PKHD1L1: variants seen among roughly 807,000 people sequenced by gnomAD.
PKHD1L1 encodes PKHD1 like 1, also known as fibrocystin-L.
In PKHD1L1, 434 loss-of-function variants were observed where a neutral mutation model predicts 462.9. The observed-to-expected ratio is 0.94, with a 90% CI of 0.87 to 1.02. The LOEUF (loss-of-function observed/expected upper bound fraction) is 1.02, where lower values mean the gene tolerates loss of function less well. Among genes scored for constraint, PKHD1L1 ranks in the 50% least tolerant of loss-of-function variants. The pLI, the probability that PKHD1L1 is intolerant of heterozygous loss-of-function variation, is 0.00. For synonymous variants in PKHD1L1, 1,781 were observed against 1,750.0 expected (o/e 1.02, Z -0.44); for missense variants, 5,202 against 5,096.1 (o/e 1.02, Z -0.63).
At chr8:109,515,510 C>T (rs149788094) in intron 72 of PKHD1L1, among the ~76,000 whole-genome samples, 1 of 152,238 alleles carries the variant, frequency 6.6e-6, no homozygotes, top group Non-Finnish European at 1.5e-5. Context: ...ACTTATTTAT[C>T]TGTGCACATG....
intron 8 of PKHD1L1, among the ~76,000 whole-genome samples, chr8:109,389,673 G>A (rs944071588): frequency 2.0e-5 from 3 of 151,980 alleles, no homozygotes; most frequent in Non-Finnish European, 4.4e-5. Context: ...GATTACAGGC[G>A]CACACCACCA....
Position 109,481,463 on chromosome 8 carries a change from A to G in PKHD1L1, c.9358A>G (p.Asn3120Asp), listed in dbSNP as rs1361223578. 3 of 1,599,494 alleles carry G rather than the reference A, an allele frequency of 1.9e-6. No individual in the cohort carries two copies. In the South Asian group the frequency reaches 3.4e-5, roughly 18 times the overall value. Reference protein sequence around the residue: ...GGRLIGGWEDNPFKGDLKIVL... With the variant: ...GGRLIGGWEDDPFKGDLKIVL... ...TAGATTAATCGGTGGCTGGGAAGATAACCCTTTTAAAGGAGACTTAAAGAT... is the reference window on the plus strand; with the variant it reads ...TAGATTAATCGGTGGCTGGGAAGATGACCCTTTTAAAGGAGACTTAAAGAT... The change falls in exon 56 of 78, where the codon AAC (asparagine) becomes GAC (aspartate). Residue 3120 changes from asparagine (N) to aspartate (D), a missense_variant. By Grantham distance (23) the Asn-to-Asp change is conservative. Coordinates refer to ENST00000378402, the MANE Select transcript of PKHD1L1 (RefSeq NM_177531.6).
rs1379259872 is a variant in PKHD1L1 at position 109,485,049 on chromosome 8, A to C, written c.9582A>C (p.Gly3194=). The C allele has an allele frequency of 6.3e-7, 1 of 1,589,570 alleles. No homozygotes were observed. Among genetic ancestry groups the C allele is most frequent in the Admixed American group, 1.8e-5 (1 of 56,362 alleles). ...GGCACTTGAATTTTTCTAAGGAGGG[A>C]GAAGAGATTGTGATAACAACCACAA... ...SLMDAVDWQE[G]EEIVITTTSY... The change falls in exon 58 of 78, where the codon GGA becomes GGC. Residue 3194 remains glycine (G), a synonymous_variant. Coordinates refer to ENST00000378402, the MANE Select transcript of PKHD1L1 (RefSeq NM_177531.6).
chr8:109,400,522 C>G (rs375208831), intron 13 of PKHD1L1, among the ~76,000 whole-genome samples, 178 bp downstream of exon 13: 5 of 151,918 alleles, frequency 3.3e-5, no homozygotes, highest in African/African-American at 4.8e-5. Flanking sequence ...GATAGAAAAC[C>G]TATAGCCTAC....
In PKHD1L1 at chr8:109,448,183, T is replaced by A. The variant is rs774161984; in HGVS notation, c.5817T>A (p.Phe1939Leu). 2 of 1,611,536 alleles carry A rather than the reference T, an allele frequency of 1.2e-6. No individual in the cohort carries two copies. The highest frequency in any genetic ancestry group is 3.3e-5 in the Admixed American group (2 of 59,752). The stretch of plus-strand genomic sequence containing the variant: ...AAATTGAGATCACTGGATCCAACTT[T>A]GGCTTTGAGATCTTGGAAATCTCCG... Reference protein sequence around the residue: ...GTEIEITGSNFGFEILEISVM... With the variant: ...GTEIEITGSNLGFEILEISVM... The change falls in exon 39 of 78, where the codon TTT (phenylalanine) becomes TTA (leucine). Residue 1939 changes from phenylalanine to leucine, a missense_variant. Physicochemically the swap from Phe to Leu is conservative, Grantham distance 22 (BLOSUM62 0). Coordinates refer to ENST00000378402, the MANE Select transcript of PKHD1L1 (RefSeq NM_177531.6).
intron 44 of PKHD1L1, 45 bp downstream of exon 44, chr8:109,454,291 A>C: frequency 7.3e-7 from 1 of 1,370,226 alleles, no homozygotes; most frequent in Non-Finnish European, 1.0e-6. Flanking sequence ...ACCTGTCTCC[A>C]TTCATTTTTT....
intron 2 of PKHD1L1, among the ~76,000 whole-genome samples, chr8:109,375,079 A>G (rs1306458947): frequency 1.3e-5 from 2 of 152,208 alleles, no homozygotes; most frequent in African/African-American, 4.8e-5. Flanking sequence ...TCTCCTGGAT[A>G]ATATCCTGCA....
chr8:109,379,607 A>G lies in PKHD1L1; in HGVS notation c.164-1763A>G, dbSNP rs1020771883. ...CTGTTGTTTTGTAATAGACAGATGC[A>G]TGGAGCTGGATATAAAGGGCTGCTT... On this transcript the variant is annotated intron_variant, in intron 2 of 77. Transcript: ENST00000378402. Among the ~76,000 whole-genome samples, 9 of 152,176 alleles carry G rather than the reference A, an allele frequency of 5.9e-5. No individual in the cohort carries two copies. The East Asian group carries it at 1.7e-3, about 29-fold the overall frequency.
intron 40 of PKHD1L1, among the ~76,000 whole-genome samples, chr8:109,450,361 CTAAA>C (rs1816416014): frequency 6.6e-6 from 1 of 152,110 alleles, no homozygotes; most frequent in Non-Finnish European, 1.5e-5. Flanking sequence ...TGAAGCTTTT[CTAAA>C]TATTGTTGCT....
At chr8:109,462,419 C>G (rs900409823) in intron 48 of PKHD1L1, among the ~76,000 whole-genome samples, 1 of 152,126 alleles carries the variant, frequency 6.6e-6, no homozygotes, top group African/African-American at 2.4e-5. Flanking sequence ...CCCAGAGATA[C>G]CGTCTGATTT....
chr8:109,449,282 C>T, intron 39 of PKHD1L1, 56 bp from the exon 40 acceptor site: 1 of 1,476,670 alleles, frequency 6.8e-7, no homozygotes, highest in Non-Finnish European at 9.1e-7. Context: ...AATATGTACA[C>T]AGAAGAAGTT....
chr8:109,468,327 G>T (rs1817553668), intron 50 of PKHD1L1, among the ~76,000 whole-genome samples: 2 of 152,122 alleles, frequency 1.3e-5, no homozygotes, highest in Admixed American at 1.3e-4. Context: ...ATTCAGGAAG[G>T]CAGGTATTTC....
At chr8:109,442,250 A>T in intron 35 of PKHD1L1, 55 bp downstream of exon 35, 1 of 1,461,588 alleles carries the variant, frequency 6.8e-7, no homozygotes, top group Non-Finnish European at 9.3e-7. Context: ...AAATGTAATA[A>T]AATGACATTT....
intron 38 of PKHD1L1, among the ~76,000 whole-genome samples, chr8:109,447,367 A>G (rs1479508545): frequency 6.6e-6 from 1 of 152,214 alleles, no homozygotes. Context: ...TACTATTATC[A>G]CTTGAATTAA....
Position 109,483,004 on chromosome 8 carries a change from G to C in PKHD1L1, c.9475G>C (p.Asp3159His). 1.3e-6 allele frequency: 2 copies of C among 1,592,742 alleles called. No homozygotes were observed. The highest frequency in any genetic ancestry group is 1.7e-6 in the Non-Finnish European group (2 of 1,169,764). ...TTCTTTAGGGGTGTTTGGTGAGCTGGATCTTCATGGAATTCCACATTCAAT... is the reference window on the plus strand; with the variant it reads ...TTCTTTAGGGGTGTTTGGTGAGCTGCATCTTCATGGAATTCCACATTCAAT... ...AKVLGVFGEL[D>H]LHGIPHSIYK... Residue 3159 changes from aspartate (D) to histidine (H), a missense_variant, in exon 57 of 78, where the codon GAT becomes CAT. Asp to His is a moderately conservative substitution (Grantham distance 81). Around this residue, in one of 3 missense-constraint regions of PKHD1L1, gnomAD observed 4,497 missense variants for 4,336.8 expected, o/e 1.04. Transcript: ENST00000378402.
chr8:109,522,193 G>A lies in PKHD1L1; in HGVS notation c.12039G>A (p.Met4013Ile). 1 of 1,599,110 alleles carries A rather than the reference G, an allele frequency of 6.3e-7. No homozygotes were observed. The highest frequency in any genetic ancestry group is 1.7e-5 in the Admixed American group (1 of 59,394). ...QFISNGTTGQ[M>I]QLSELQEIAG... Reference sequence around the variant, plus strand: ...TAATACTTTTCCCCATAGGTCAGATGCAGTTATCTGAACTCCAGGAAATTG... The same window carrying A: ...TAATACTTTTCCCCATAGGTCAGATACAGTTATCTGAACTCCAGGAAATTG... The change falls in exon 74 of 78, where the codon ATG (methionine) becomes ATA (isoleucine). Residue 4013 changes from methionine to isoleucine, a missense_variant. Met to Ile is a conservative substitution (Grantham distance 10). Coordinates refer to ENST00000378402, the MANE Select transcript of PKHD1L1 (RefSeq NM_177531.6).
In PKHD1L1 at chr8:109,454,860, G is replaced by A. The variant is rs1193721949; in HGVS notation, c.6874+8G>A. The stretch of plus-strand genomic sequence containing the variant: ...GAATCCTGGATCTGCACGGTACTGT[G>A]GCCAAGTGGCTAAGGGAGTTGGTAG... On this transcript the variant is annotated splice_region_variant and intron_variant, in intron 45 of 77. Coordinates refer to ENST00000378402, the MANE Select transcript of PKHD1L1 (RefSeq NM_177531.6). The A allele has an allele frequency of 6.2e-7, 1 of 1,610,442 alleles. No individual in the cohort carries two copies. Among genetic ancestry groups the A allele is most frequent in the Non-Finnish European group, 8.5e-7 (1 of 1,178,172 alleles).
At chr8:109,415,809 C>T (rs1209689593) in intron 21 of PKHD1L1, among the ~76,000 whole-genome samples, 1 of 147,788 alleles carries the variant, frequency 6.8e-6, no homozygotes, top group Non-Finnish European at 1.5e-5. Flanking sequence ...GATTGTGACA[C>T]TGCACTCCAG....
At position 109,480,730 on chromosome 8, in the gene PKHD1L1, A is replaced by G. The variant is rs895598843; in HGVS notation, c.9327+591A>G. ...AAAAGCTATTAAGCAGCATTAAAAT[A>G]ATAAGCAGTTAGCATTATTATTATT... On this transcript the variant is annotated intron_variant, in intron 55 of 77. Transcript: ENST00000378402. 6 of 380,792 alleles carry G rather than the reference A, an allele frequency of 1.6e-5. 1 individual carries two copies. In the Middle Eastern group the frequency reaches 1.1e-3, roughly 69 times the overall value. The allele number at this position is 380,792 out of a possible 1,614,324, so 23.6% of individuals were successfully genotyped here.
Sources: allele counts gnomAD v4.1 joint callset (sites outside exome capture counted in the v4.1 genomes callset), GRCh38; gene constraint gnomAD v4.1.1; regional missense constraint gnomAD v4.1.1; transcripts MANE v1.5; gene names NCBI Gene and HGNC (gene_info 2026-07-23, HGNC 2026-07-21).